RBFOX1: variants seen among roughly 807,000 people sequenced by gnomAD.
RBFOX1 encodes the protein RNA binding protein fox-1 homolog 1.
Under a neutral mutation model 57.7 loss-of-function variants are expected in RBFOX1, and 8 were observed. The observed-to-expected ratio is 0.14, with a 90% confidence interval of 0.08 to 0.25. RBFOX1 has a LOEUF of 0.25. RBFOX1 is among the 10% of genes least tolerant of loss of function. The pLI, the probability that RBFOX1 is intolerant of heterozygous loss-of-function variation, is 1.00. For missense variants in RBFOX1, 611 were observed against 548.5 expected (o/e 1.11, Z -1.14); for synonymous variants, 326 against 222.4 (o/e 1.47, Z -4.15).
intron 3 of RBFOX1, among the ~76,000 whole-genome samples, chr16:5,632,280 G>A (rs538789000): frequency 1.3e-5 from 2 of 152,368 alleles, no homozygotes; most frequent in Admixed American, 1.3e-4. Context: ...GAATATGGGA[G>A]TTACACCTGC....
At chr16:6,842,801 C>T (rs975626811) in intron 3 of RBFOX1, among the ~76,000 whole-genome samples, 2 of 151,970 alleles carry the variant, frequency 1.3e-5, no homozygotes, top group African/African-American at 4.8e-5. Flanking sequence ...AGGTATTTGT[C>T]CTAATGCTCT....
intron 2 of RBFOX1, among the ~76,000 whole-genome samples, chr16:6,445,676 G>A (rs972383783): frequency 6.6e-6 from 1 of 150,416 alleles, no homozygotes; most frequent in Non-Finnish European, 1.5e-5. Context: ...TCCACCCCCT[G>A]GGTTCAAGCG....
intron 2 of RBFOX1, among the ~76,000 whole-genome samples, chr16:6,354,353 G>A (rs1053504772): frequency 6.6e-6 from 1 of 152,106 alleles, no homozygotes. Context: ...GGACCCGCCT[G>A]CTCTCCACCC....
intron 1 of RBFOX1, among the ~76,000 whole-genome samples, chr16:5,428,704 T>G (rs529991845): frequency 6.6e-6 from 1 of 152,064 alleles, no homozygotes; most frequent in Non-Finnish European, 1.5e-5. Flanking sequence ...TGGGGGAAAG[T>G]GTAGACAGAT....
At chr16:6,809,813 C>A (rs1382479429) in intron 3 of RBFOX1, among the ~76,000 whole-genome samples, 3 of 152,140 alleles carry the variant, frequency 2.0e-5, no homozygotes, top group African/African-American at 7.2e-5. Flanking sequence ...AAATCTTATT[C>A]CAATTCTCTG....
At position 6,342,374 on chromosome 16, in the gene RBFOX1, C is replaced by G. The variant is rs563990266; in HGVS notation, c.-64+25317C>G. Among the ~76,000 whole-genome samples the G allele has an allele frequency of 8.5e-5, 13 of 152,190 alleles. No individual in the cohort carries two copies. The East Asian group carries it at 2.3e-3, about 27-fold the overall frequency. On this transcript the variant is annotated intron_variant, in intron 2 of 15. Coordinates refer to ENST00000550418, the MANE Select transcript of RBFOX1 (RefSeq NM_018723.4). ...GAGATAGATTAAAAACAAGTAGAAA[C>G]GAAGGATCCCATGTTTTGCCATGGC... is the stretch of plus-strand genomic sequence containing the variant.
intron 2 of RBFOX1, among the ~76,000 whole-genome samples, chr16:6,525,626 G>T (rs1441945142): frequency 6.6e-6 from 1 of 152,116 alleles, no homozygotes; most frequent in Non-Finnish European, 1.5e-5. Flanking sequence ...GAAGGCACCA[G>T]CAGGTCTGGT....
rs572413862 is a variant in RBFOX1, at chr16:6,933,607, G to A, written c.-15-118450G>A. 4.9e-3 allele frequency among the ~76,000 whole-genome samples: 739 copies of A among 152,318 alleles called. 7 individuals are homozygous for A. Among genetic ancestry groups the A allele is most frequent in the Middle Eastern group, 0.01 (3 of 294 alleles). ...AAGCACCTGTCATCCCAGCTACTCC[G>A]GAGGCTGAAGCAGAAGAATTACTTG... On this transcript the variant is annotated intron_variant, in intron 3 of 15. Coordinates refer to ENST00000550418, the MANE Select transcript of RBFOX1 (RefSeq NM_018723.4).
intron 1 of RBFOX1, among the ~76,000 whole-genome samples, chr16:5,342,103 G>A (rs1332227710): frequency 6.6e-6 from 1 of 152,170 alleles, no homozygotes; most frequent in African/African-American, 2.4e-5. Flanking sequence ...GCGGCAGATC[G>A]TACCTGTTGA....
intron 1 of RBFOX1, among the ~76,000 whole-genome samples, chr16:5,414,378 G>C (rs1366298376): frequency 6.6e-6 from 1 of 152,176 alleles, no homozygotes; most frequent in African/African-American, 2.4e-5. Context: ...TTTCCTCTCT[G>C]TGGGCTTGCT....
At chr16:6,219,187 G>A (rs1458145793) in intron 1 of RBFOX1, among the ~76,000 whole-genome samples, 2 of 152,168 alleles carry the variant, frequency 1.3e-5, no homozygotes, top group African/African-American at 4.8e-5. Context: ...AGAAAATGAG[G>A]GCCGAGTGCA....
chr16:6,580,368 A>G (rs1293261376), intron 2 of RBFOX1, among the ~76,000 whole-genome samples: 2 of 152,192 alleles, frequency 1.3e-5, no homozygotes, highest in Admixed American at 6.5e-5. Context: ...CATAACACAC[A>G]TTTGCCAATT....
chr16:6,384,300 A>G (rs982316333), intron 2 of RBFOX1, among the ~76,000 whole-genome samples: 1 of 152,168 alleles, frequency 6.6e-6, no homozygotes, highest in African/African-American at 2.4e-5. Context: ...GAATCCAATC[A>G]TCATCTTATT....
At chr16:6,552,532 T>C (rs564659436) in intron 2 of RBFOX1, among the ~76,000 whole-genome samples, 10 of 152,330 alleles carry the variant, frequency 6.6e-5, no homozygotes, top group South Asian at 6.2e-4. Flanking sequence ...GCCGAATAAA[T>C]GTTACCTGTT....
intron 3 of RBFOX1, among the ~76,000 whole-genome samples, chr16:5,819,392 G>A (rs80160898): frequency 6.6e-5 from 10 of 152,318 alleles, no homozygotes; most frequent in East Asian, 5.8e-4. Context: ...CAGCACCTGG[G>A]AGGTTAGCAA....
intron 2 of RBFOX1, among the ~76,000 whole-genome samples, chr16:5,479,351 GCCA>G (rs1336878691): frequency 6.6e-6 from 1 of 152,194 alleles, no homozygotes; most frequent in Admixed American, 6.5e-5. Context: ...TTTGCCTGAG[GCCA>G]CACAGCTAGG....
chr16:5,865,458 T>G (rs1010117148), intron 3 of RBFOX1, among the ~76,000 whole-genome samples: 4 of 152,172 alleles, frequency 2.6e-5, no homozygotes, highest in Non-Finnish European at 1.5e-5. Flanking sequence ...CCACAGCTCA[T>G]GGACTTTCTT....
intron 3 of RBFOX1, among the ~76,000 whole-genome samples, chr16:6,988,684 C>T (rs978672467): frequency 6.6e-6 from 1 of 151,396 alleles, no homozygotes; most frequent in Non-Finnish European, 1.5e-5. Context: ...TCAGCCTTAG[C>T]CTCCTGAGCA....
At chr16:6,417,351 T>C (rs992784181) in intron 2 of RBFOX1, among the ~76,000 whole-genome samples, 4 of 151,654 alleles carry the variant, frequency 2.6e-5, no homozygotes, top group Non-Finnish European at 4.4e-5. Context: ...CCCTCTCTAC[T>C]GATTCTATGT....
Sources: gnomAD v4.1 joint callset for allele counts (sites outside exome capture counted in the v4.1 genomes callset) on GRCh38, gnomAD v4.1.1 for gene constraint, MANE v1.5 for transcripts, NCBI Gene and HGNC (gene_info 2026-07-23, HGNC 2026-07-21) for gene names.